Variants in NNMT observed in about 807,000 individuals in gnomAD.
NNMT encodes the protein nicotinamide N-methyltransferase.
In NNMT, 10 loss-of-function variants were observed where a neutral mutation model predicts 11.7. The ratio of observed to expected loss-of-function variants is 0.85; its 90% CI spans 0.53 to 1.45. The LOEUF is 1.45. Among genes scored for constraint, NNMT ranks in the 40% most tolerant of loss-of-function variants. The pLI is 0.00. For missense variants in NNMT, 381 were observed against 319.4 expected (o/e 1.19, Z -1.47); for synonymous variants, 143 against 133.8 (o/e 1.07, Z -0.48).
At chr11:114,279,365 G>A (rs1945241239) in intron 2 of NNMT, among the ~76,000 whole-genome samples, 1 of 152,150 alleles carries the variant, frequency 6.6e-6, no homozygotes, top group Admixed American at 6.5e-5. Context: ...GAAGAGGGAG[G>A]GATTAGTTCC....
chr11:114,258,834 C>A (rs143009629), intron 1 of NNMT, among the ~76,000 whole-genome samples: 1 of 152,186 alleles, frequency 6.6e-6, no homozygotes, highest in South Asian at 2.1e-4. Flanking sequence ...GATGGGACCA[C>A]GGGTGTTCTG....
At chr11:114,262,508 G>T (rs186933729) in intron 1 of NNMT, among the ~76,000 whole-genome samples, 1 of 152,200 alleles carries the variant, frequency 6.6e-6, no homozygotes, top group East Asian at 1.9e-4. Context: ...ACTGGTGCCT[G>T]TCCTAAACCC....
chr11:114,280,863 C>G (rs914078448), intron 2 of NNMT, among the ~76,000 whole-genome samples: 1 of 152,156 alleles, frequency 6.6e-6, no homozygotes, highest in Non-Finnish European at 1.5e-5. Context: ...TTGTCCCCGG[C>G]CTGCTCATTT....
intron 2 of NNMT, among the ~76,000 whole-genome samples, chr11:114,263,248 A>G (rs986219824): frequency 1.2e-4 from 18 of 152,110 alleles, no homozygotes; most frequent in African/African-American, 4.3e-4. Context: ...AGCACCAATG[A>G]AACTGAGTAC....
chr11:114,263,145 A>C (rs1181566109), intron 2 of NNMT, among the ~76,000 whole-genome samples: 2 of 152,144 alleles, frequency 1.3e-5, no homozygotes, highest in African/African-American at 2.4e-5. Flanking sequence ...ACACCAGCTG[A>C]ATGCTTTTCC....
rs7945987 is a variant in NNMT, at chr11:114,288,339, G to C, written c.-129-8089G>C. Among the ~76,000 whole-genome samples the C allele has an allele frequency of 2.4e-3, 364 of 152,152 alleles. 2 individuals carry two copies. The highest frequency in any genetic ancestry group is 8.5e-3 in the African/African-American group (351 of 41,522). On this transcript the variant is annotated intron_variant, in intron 2 of 4. Transcript: ENST00000535401. ...CATCGGGAAGAGTGATGTTTGTTGA[G>C]GTTTTTGTAGGTAATCTTTATCTGA...
intron 2 of NNMT, among the ~76,000 whole-genome samples, chr11:114,307,554 T>C (rs1195996401): frequency 6.6e-6 from 1 of 152,094 alleles, no homozygotes; most frequent in Admixed American, 6.5e-5. Flanking sequence ...AGTGACCCTC[T>C]CAAAATGTAA....
intron 1 of NNMT, among the ~76,000 whole-genome samples, chr11:114,260,145 T>C (rs963919454): frequency 1.3e-5 from 2 of 152,208 alleles, no homozygotes; most frequent in South Asian, 4.1e-4. Context: ...CAGCCTTCAC[T>C]TGTGGGATGA....
intron 2 of NNMT, among the ~76,000 whole-genome samples, chr11:114,279,635 G>T (rs1408193566): frequency 6.6e-6 from 1 of 152,208 alleles, no homozygotes; most frequent in African/African-American, 2.4e-5. Flanking sequence ...TTGGCTCAAG[G>T]GTGGGCTCCC....
In NNMT at chr11:114,312,221, T is replaced by A. The variant is rs1945557682; in HGVS notation, c.539T>A (p.Leu180His). 2 of 1,614,176 alleles carry A rather than the reference T, an allele frequency of 1.2e-6. No individual in the cohort carries two copies. Among genetic ancestry groups the A allele is most frequent in the Non-Finnish European group, 8.5e-7 (1 of 1,180,038 alleles). ...GACCTCCCCACCTACTGCAGGGCGCTCAGGAACCTCGGCAGCCTACTGAAG... is the reference window on the plus strand; with the variant it reads ...GACCTCCCCACCTACTGCAGGGCGCACAGGAACCTCGGCAGCCTACTGAAG... The part of the protein sequence containing the change: ...CPDLPTYCRA[L>H]RNLGSLLKPG... Residue 180 changes from leucine (L) to histidine (H), a missense_variant, in exon 3 of 3, where the codon CTC (leucine) becomes CAC (histidine). Coordinates refer to ENST00000299964, the MANE Select transcript of NNMT (RefSeq NM_006169.3).
At chr11:114,292,521 C>T (rs559216861), upstream of NNMT, among the ~76,000 whole-genome samples, 6 of 152,220 alleles carry the variant, frequency 3.9e-5, no homozygotes, top group Non-Finnish European at 5.9e-5. Context: ...TAGCCTGGGA[C>T]GATGAATCAA....
chr11:114,307,314 A>T (rs189031854), intron 2 of NNMT, among the ~76,000 whole-genome samples: 271 of 152,302 alleles, frequency 1.8e-3, no homozygotes, highest in African/African-American at 6.3e-3. Context: ...CCATCATATA[A>T]TAAATTGGAC....
intron 2 of NNMT, among the ~76,000 whole-genome samples, chr11:114,300,109 G>A (rs1021283294): frequency 5.9e-5 from 9 of 151,490 alleles, no homozygotes; most frequent in Admixed American, 2.0e-4. Context: ...TTTCTAAAAT[G>A]TCTTGTTTTT....
chr11:114,298,844 G>A (rs1204714123), intron 2 of NNMT, among the ~76,000 whole-genome samples: 3 of 152,090 alleles, frequency 2.0e-5, no homozygotes, highest in Admixed American at 6.5e-5. Flanking sequence ...CGAGAAATTG[G>A]CAATAGCCTA....
intron 1 of NNMT, among the ~76,000 whole-genome samples, chr11:114,261,991 G>A (rs1945086988): frequency 6.6e-6 from 1 of 152,094 alleles, no homozygotes; most frequent in Non-Finnish European, 1.5e-5. Flanking sequence ...AGGCCTCGAA[G>A]GGTTTGCAGA....
At position 114,289,755 on chromosome 11, in the gene NNMT, G is replaced by A. The variant is rs1378769569; in HGVS notation, c.-129-6673G>A. 2.6e-5 allele frequency among the ~76,000 whole-genome samples: 4 copies of A among 152,064 alleles called. No homozygotes were observed. In the East Asian group the frequency reaches 7.7e-4, roughly 29 times the overall value. ...GAAATATGTTGAGGCTTGCTTAATG[G>A]GCTAGTATGTAAGAATTTATTAAGG... On this transcript the variant is annotated intron_variant, in intron 2 of 4. Transcript: ENST00000535401.
intron 2 of NNMT, among the ~76,000 whole-genome samples, chr11:114,263,098 A>T (rs900471907): frequency 6.6e-6 from 1 of 152,170 alleles, no homozygotes; most frequent in East Asian, 1.9e-4. Flanking sequence ...CATCCCAAGC[A>T]TGGGTACTTG....
intron 2 of NNMT, among the ~76,000 whole-genome samples, chr11:114,274,470 T>A (rs1945199753): frequency 6.6e-6 from 1 of 152,204 alleles, no homozygotes; most frequent in South Asian, 2.1e-4. Context: ...TGGTAAAATA[T>A]GTATGTGAGC....
At chr11:114,273,064 T>C (rs1185939419) in intron 2 of NNMT, among the ~76,000 whole-genome samples, 3 of 152,202 alleles carry the variant, frequency 2.0e-5, no homozygotes, top group Non-Finnish European at 4.4e-5. Context: ...GATTTTATAT[T>C]GCCTATGGAC....
Sources: allele counts gnomAD v4.1 joint callset (sites outside exome capture counted in the v4.1 genomes callset), GRCh38; gene constraint gnomAD v4.1.1; transcripts MANE v1.5; gene names NCBI Gene and HGNC (gene_info 2026-07-23, HGNC 2026-07-21).